Variants in DNM2 observed in about 807,000 individuals in gnomAD.
DNM2 encodes dynamin 2.
In DNM2, 15 loss-of-function variants were observed where a neutral mutation model predicts 99.0. The ratio of observed to expected loss-of-function variants is 0.15; its 90% confidence interval spans 0.10 to 0.23. The LOEUF is 0.23. DNM2 is among the 10% of genes least tolerant of loss of function. The pLI is 1.00. For missense variants in DNM2, 742 were observed against 1,189.4 expected, an observed-to-expected ratio of 0.62 and a Z score of 5.53; for synonymous variants, 525 against 481.2, an observed-to-expected ratio of 1.09 and a Z score of -1.19.
Position 10,775,326 on chromosome 19 carries a change from C to T in DNM2, c.386-377C>T, listed in dbSNP as rs2071118164. Among the ~76,000 whole-genome samples, 3 of 152,158 alleles carry T rather than the reference C, an allele frequency of 2.0e-5. No homozygotes were observed. The South Asian group carries it at 6.2e-4, about 32-fold the overall frequency. ...AGAACTCCTGGCCTCAAGTGATCCA[C>T]CCACCTCGGCCTCCCAAAGTGCTGG... On this transcript the variant is annotated intron_variant, in intron 3 of 20. Transcript: ENST00000389253. The surrounding 1 kb of genome is among the most constrained non-coding windows in gnomAD (Gnocchi z 4.3).
At chr19:10,797,069 C>T (rs1286454907) in intron 9 of DNM2, among the ~76,000 whole-genome samples, 6 of 152,042 alleles carry the variant, frequency 3.9e-5, no homozygotes, top group African/African-American at 1.2e-4. Flanking sequence ...GGTTGGAAAA[C>T]GCTCGTCCTA....
rs57290103 is a variant in DNM2 at position 10,760,827 on chromosome 19, A to ATTT, written c.235+1031_235+1033dup. Among the ~76,000 whole-genome samples, 136 of 41,270 alleles carry ATTT rather than the reference A, an allele frequency of 3.3e-3. 24 individuals are homozygous for ATTT. The highest frequency in any genetic ancestry group is 0.02 in the Middle Eastern group (1 of 50). 27.1% of individuals were successfully genotyped at this position (41,270 alleles called of 152,430 possible). A position where few individuals can be genotyped will look rare whatever the true frequency, so the allele number is the denominator to read the frequency against. On this transcript the variant is annotated intron_variant, in intron 2 of 20. Transcript: ENST00000389253. The stretch of plus-strand genomic sequence containing the variant: ...GTGCACACACCACCACACCCAGCTG[A>ATTT]TTTTTTTTTTTTTTTTTGGTAGAGA...
At chr19:10,735,580 A>G (rs546397626) in intron 1 of DNM2, among the ~76,000 whole-genome samples, 1 of 151,526 alleles carries the variant, frequency 6.6e-6, no homozygotes, top group South Asian at 2.1e-4. Flanking sequence ...ATGGTGTGAT[A>G]TTGGCTCACT....
chr19:10,750,495 G>A (rs1041982872), intron 1 of DNM2, among the ~76,000 whole-genome samples: 1 of 151,636 alleles, frequency 6.6e-6, no homozygotes, highest in Non-Finnish European at 1.5e-5. Flanking sequence ...AAAAAAATTA[G>A]CCAAGCATGG....
chr19:10,797,418 T>C lies in DNM2; in HGVS notation c.1235T>C (p.Ile412Thr). ...LFTPDMAFEA[I>T]VKKQIVKLKE... ...ACCCCCGACATGGCCTTTGAAGCCA[T>C]TGTGAAAAAACAGATTGTAAAACTC... The change falls in exon 10 of 21, where the codon ATT (isoleucine) becomes ACT (threonine). Residue 412 changes from isoleucine (I) to threonine (T), a missense_variant. By Grantham distance (89) the Ile-to-Thr change is moderately conservative. Around this residue, in one of 7 missense-constraint regions of DNM2, gnomAD observed 240 missense variants for 431.3 expected, o/e 0.56. Coordinates refer to ENST00000389253, the MANE Select transcript of DNM2 (RefSeq NM_001005361.3). 1 of 1,613,780 alleles carries C rather than the reference T, an allele frequency of 6.2e-7. No homozygotes were observed. Among genetic ancestry groups the C allele is most frequent in the Non-Finnish European group, 8.5e-7 (1 of 1,180,014 alleles).
At chr19:10,802,571 A>G in intron 12 of DNM2, 1 of 644,766 alleles carries the variant, frequency 1.6e-6, no homozygotes, top group Middle Eastern at 4.0e-4. Flanking sequence ...TCTGTGAGGC[A>G]TCCCCATGGT....
Position 10,831,190 on chromosome 19 carries a change from TC to T in DNM2, c.*145del, listed in dbSNP as rs1297965296. On this transcript the variant is annotated 3_prime_UTR_variant, in exon 21 of 21. Coordinates refer to ENST00000389253, the MANE Select transcript of DNM2 (RefSeq NM_001005361.3). This position sits in a 1 kb window ranked among gnomAD's most constrained non-coding sequence, Gnocchi z 4.3. ...GCCTCTTCCTTAACGCTGGCCCCGG[TC>T]CAGGGCCGGCCCCTGTGCCTGGCTG... is the stretch of plus-strand genomic sequence containing the variant. 29 of 1,403,574 alleles carry T rather than the reference TC, an allele frequency of 2.1e-5. No individual in the cohort carries two copies. Among genetic ancestry groups the T allele is most frequent in the Non-Finnish European group, 2.6e-5 (28 of 1,082,496 alleles). 86.9% of individuals were successfully genotyped at this position (1,403,574 alleles called of 1,614,324 possible).
intron 12 of DNM2, among the ~76,000 whole-genome samples, chr19:10,804,179 G>T (rs1306331723): frequency 6.6e-6 from 1 of 152,130 alleles, no homozygotes; most frequent in African/African-American, 2.4e-5. Context: ...AGGCCCAGGA[G>T]AGGGGCCACC....
chr19:10,803,736 C>T (rs2146070655), intron 12 of DNM2: 1 of 981,372 alleles, frequency 1.0e-6, no homozygotes, highest in Non-Finnish European at 1.2e-6. Context: ...TGGGTGGCCC[C>T]AGCCCTGGGT....
intron 1 of DNM2, among the ~76,000 whole-genome samples, chr19:10,740,624 C>T (rs1436392275): frequency 6.6e-6 from 1 of 152,224 alleles, no homozygotes; most frequent in African/African-American, 2.4e-5. Context: ...GATCCACCCA[C>T]CTCGGCCTCT....
At chr19:10,785,776 C>G (rs995865869) in intron 6 of DNM2, among the ~76,000 whole-genome samples, 1 of 152,130 alleles carries the variant, frequency 6.6e-6, no homozygotes. Flanking sequence ...CTGCTTTACA[C>G]TTTGCAAGTA....
intron 1 of DNM2, among the ~76,000 whole-genome samples, chr19:10,721,363 G>T (rs758170824): frequency 9.2e-5 from 14 of 152,072 alleles, no homozygotes; most frequent in Non-Finnish European, 1.9e-4. Flanking sequence ...CACCATGTTG[G>T]CCAGGCTGGT....
At chr19:10,770,152 C>T (rs776457267) in intron 2 of DNM2, among the ~76,000 whole-genome samples, 9 of 152,224 alleles carry the variant, frequency 5.9e-5, no homozygotes, top group Non-Finnish European at 1.0e-4. Flanking sequence ...CATGATGGGA[C>T]GGTGAAACTC....
intron 11 of DNM2, among the ~76,000 whole-genome samples, chr19:10,799,581 T>G (rs1488740946): frequency 2.0e-5 from 3 of 148,402 alleles, no homozygotes; most frequent in Admixed American, 6.8e-5. Context: ...TCGCCCAGGC[T>G]GGGGTGCAGT....
chr19:10,781,832 A>G (rs933768107), intron 5 of DNM2: 10 of 152,168 alleles, frequency 6.6e-5, no homozygotes, highest in African/African-American at 2.4e-4. Context: ...AACAGTGTGT[A>G]TTGAATTATC....
chr19:10,750,055 G>T (rs117741209), intron 1 of DNM2, among the ~76,000 whole-genome samples: 1 of 152,332 alleles, frequency 6.6e-6, no homozygotes. Flanking sequence ...CAGTCACTTG[G>T]TTTCTGCAAG....
intron 5 of DNM2, chr19:10,781,590 G>T (rs2071376006): frequency 6.6e-6 from 1 of 152,158 alleles, no homozygotes; most frequent in Admixed American, 6.6e-5. Context: ...AGACCAGCAT[G>T]GCCAACATGG....
At position 10,831,614 on chromosome 19, in the gene DNM2, AG is replaced by A; in HGVS notation, c.*568del. ...TGAGCCTGGCCCAGCCTCGGCTGCC[AG>A]AGGTGCCTTTGCTAGGCCCGGAGCC... On this transcript the variant is annotated 3_prime_UTR_variant, in exon 21 of 21. Coordinates refer to ENST00000389253, the MANE Select transcript of DNM2 (RefSeq NM_001005361.3). The surrounding 1 kb of genome is among the most constrained non-coding windows in gnomAD (Gnocchi z 4.3). The A allele has an allele frequency of 5.1e-6, 5 of 986,012 alleles. No homozygotes were observed. The highest frequency in any genetic ancestry group is 6.0e-6 in the Non-Finnish European group (5 of 830,098). The allele number at this position is 986,012 out of a possible 1,614,324, so 61.1% of individuals were successfully genotyped here. A position where few individuals can be genotyped will look rare whatever the true frequency, so the allele number is the denominator to read the frequency against.
At chr19:10,734,342 C>CAA (rs752387265) in intron 1 of DNM2, among the ~76,000 whole-genome samples, 10,895 of 92,146 alleles carry the variant, frequency 0.12, 835 homozygotes, top group East Asian at 0.41. Context: ...GACTCTGTCT[C>CAA]AAAAAAAAAA....
Sources: allele counts gnomAD v4.1 joint callset (sites outside exome capture counted in the v4.1 genomes callset), GRCh38; gene constraint gnomAD v4.1.1; regional missense constraint gnomAD v4.1.1; non-coding constraint Gnocchi (gnomAD v3.1); transcripts MANE v1.5; gene names NCBI Gene and HGNC (gene_info 2026-07-23, HGNC 2026-07-21).